Variants in DYNAP observed in about 807,000 individuals in gnomAD.
The protein encoded by DYNAP is dynactin associated protein.
A neutral mutation model predicts 8.5 loss-of-function variants in DYNAP; 7 were observed. That is an observed-to-expected ratio of 0.82 (90% CI 0.47 to 1.54). The LOEUF is 1.54. Among genes scored for constraint, DYNAP ranks in the 40% most tolerant of loss-of-function variants. The pLI, the probability that DYNAP is intolerant of heterozygous loss-of-function variation, is 0.01. For missense variants in DYNAP, 256 were observed against 224.3 expected, an observed-to-expected ratio of 1.14 and a Z score of -0.90; for synonymous variants, 77 against 77.9, an observed-to-expected ratio of 0.99 and a Z score of 0.06.
chr18:54,595,114 G>A lies in DYNAP; in HGVS notation c.222+11G>A, dbSNP rs766272770. The A allele has an allele frequency of 6.2e-7, 1 of 1,602,874 alleles. No homozygotes were observed. Among genetic ancestry groups the A allele is most frequent in the East Asian group, 2.2e-5 (1 of 44,626 alleles). On this transcript the variant is annotated intron_variant, in intron 2 of 2. Transcript: ENST00000648945. ...TCCTGTAACACACAGGTAATGTGTA[G>A]CACGGGAGCTTTTATTCAAGTTGGG... is the stretch of plus-strand genomic sequence containing the variant.
At chr18:54,589,469 C>G (rs868198079), upstream of DYNAP, among the ~76,000 whole-genome samples, 23 of 152,142 alleles carry the variant, frequency 1.5e-4, no homozygotes, top group African/African-American at 3.9e-4. Flanking sequence ...AAGAAATATT[C>G]TTTGCAAAAT....
chr18:54,587,720 C>T (rs1910928553), upstream of DYNAP: 1 of 394,702 alleles, frequency 2.5e-6, no homozygotes, highest in Non-Finnish European at 4.5e-6. Flanking sequence ...TATCCATATT[C>T]TGAAGAAAAA....
intron 1 of DYNAP, among the ~76,000 whole-genome samples, chr18:54,592,177 C>T (rs980939405): frequency 6.6e-6 from 1 of 151,882 alleles, no homozygotes; most frequent in Non-Finnish European, 1.5e-5. Flanking sequence ...CCAAAAGAAC[C>T]AAGATCTTCA....
upstream of DYNAP, chr18:54,587,647 T>G (rs1041494090): frequency 1.6e-5 from 6 of 377,366 alleles, no homozygotes; most frequent in African/African-American, 1.2e-4. Flanking sequence ...ATGCCAAACA[T>G]ACAAATTAAT....
intron 1 of DYNAP, 76 bp from the exon 2 acceptor site, chr18:54,594,863 A>T: frequency 6.8e-7 from 1 of 1,479,234 alleles, no homozygotes; most frequent in Admixed American, 2.3e-5. Context: ...GGTACTTTTG[A>T]TAGAAGAATT....
At chr18:54,589,042 G>C (rs1011869840), upstream of DYNAP, among the ~76,000 whole-genome samples, 1 of 152,126 alleles carries the variant, frequency 6.6e-6, no homozygotes, top group African/African-American at 2.4e-5. Context: ...AAGCTGTCAT[G>C]TTGGCTCTCA....
At chr18:54,578,662 A>C in the DYNAP span, among the ~76,000 whole-genome samples, 3 of 152,214 alleles carry the variant, frequency 2.0e-5, no homozygotes, top group Non-Finnish European at 4.4e-5. Flanking sequence ...GTTTATGTGA[A>C]TCTTTCGCCT....
intron 1 of DYNAP, 131 bp downstream of exon 1, chr18:54,591,470 G>A (rs1045159027): frequency 8.6e-6 from 9 of 1,049,726 alleles, no homozygotes; most frequent in African/African-American, 1.6e-5. Flanking sequence ...AAAATAAAGA[G>A]CAACCCTGTA....
At chr18:54,596,850 G>A (rs907645441) in intron 2 of DYNAP, among the ~76,000 whole-genome samples, 4 of 152,006 alleles carry the variant, frequency 2.6e-5, no homozygotes, top group African/African-American at 9.7e-5. Flanking sequence ...TTTGTCCTAG[G>A]GCTAACTTGA....
upstream of DYNAP, chr18:54,591,173 T>C (rs753464273): frequency 9.4e-6 from 15 of 1,599,750 alleles, no homozygotes; most frequent in South Asian, 1.6e-4. Context: ...TGATGCATCA[T>C]AGTTGACTTC....
Position 54,598,048 on chromosome 18 carries a change from T to C in DYNAP, c.458T>C (p.Val153Ala). 6.2e-7 allele frequency: 1 copy of C among 1,613,232 alleles called. No individual in the cohort carries two copies. Among genetic ancestry groups the C allele is most frequent in the South Asian group, 1.1e-5 (1 of 91,044 alleles). Reference sequence around the variant, plus strand: ...CCTACAATGACCACCACTTCAACTGTACCTGCAAGTACAGCCACTGAATCT... The same window carrying C: ...CCTACAATGACCACCACTTCAACTGCACCTGCAAGTACAGCCACTGAATCT... ...CPPTMTTTST[V>A]PASTATESTT... Residue 153 changes from valine to alanine, a missense_variant, in exon 3 of 3, where the codon GTA (valine) becomes GCA (alanine). Coordinates refer to ENST00000648945, the MANE Select transcript of DYNAP (RefSeq NM_173629.3).
chr18:54,597,601 G>A (rs943886128), intron 2 of DYNAP, among the ~76,000 whole-genome samples: 2 of 152,178 alleles, frequency 1.3e-5, no homozygotes, highest in Non-Finnish European at 1.5e-5. Context: ...AATAAGAGAA[G>A]ATGAGATTTT....
At chr18:54,578,714 T>C in the DYNAP span, among the ~76,000 whole-genome samples, 1 of 152,224 alleles carries the variant, frequency 6.6e-6, no homozygotes, top group Non-Finnish European at 1.5e-5. Flanking sequence ...ATAATAGAAG[T>C]AATGCTTACA....
chr18:54,577,493 G>T, the DYNAP span, among the ~76,000 whole-genome samples: 8 of 149,584 alleles, frequency 5.3e-5, no homozygotes, highest in East Asian at 2.0e-4. Flanking sequence ...AGATGGGAGG[G>T]TTGCTTATGT....
intron 2 of DYNAP, among the ~76,000 whole-genome samples, chr18:54,596,902 C>G (rs1444811745): frequency 2.0e-5 from 3 of 152,062 alleles, no homozygotes; most frequent in African/African-American, 7.2e-5. Context: ...GACCATTGCC[C>G]TCATTCCCTG....
chr18:54,581,551 A>G, the DYNAP span, among the ~76,000 whole-genome samples: 1 of 152,264 alleles, frequency 6.6e-6, no homozygotes, highest in Non-Finnish European at 1.5e-5. Context: ...CAGTAAACCA[A>G]CGAAAGCATT....
the DYNAP span, among the ~76,000 whole-genome samples, chr18:54,576,837 A>T: frequency 6.6e-6 from 1 of 150,430 alleles, no homozygotes; most frequent in African/African-American, 2.5e-5. Flanking sequence ...AACAACAACA[A>T]CACCAAAAAA....
At chr18:54,587,607 T>G, upstream of DYNAP, 1 of 346,070 alleles carries the variant, frequency 2.9e-6, no homozygotes, top group Non-Finnish European at 5.2e-6. Flanking sequence ...ATGTTCTTGT[T>G]TATATTAATT....
At position 54,598,124 on chromosome 18, in the gene DYNAP, T is replaced by G; in HGVS notation, c.534T>G (p.Val178=). Residue 178 remains valine, a synonymous_variant, in exon 3 of 3, where the codon GTT becomes GTG. Transcript: ENST00000648945. ...AATTSTEPIT[V]APTDHL ...CCACTTCCACAGAACCTATAACTGT[T>G]GCACCTACCGATCATTTATAATTTG... 1 of 1,610,578 alleles carries G rather than the reference T, an allele frequency of 6.2e-7. No homozygotes were observed. Among genetic ancestry groups the G allele is most frequent in the Non-Finnish European group, 8.5e-7 (1 of 1,177,834 alleles).
Sources: allele counts gnomAD v4.1 joint callset (sites outside exome capture counted in the v4.1 genomes callset), GRCh38; gene constraint gnomAD v4.1.1; transcripts MANE v1.5; gene names NCBI Gene and HGNC (gene_info 2026-07-23, HGNC 2026-07-21).